Variants in ITPR2 observed in about 807,000 individuals in gnomAD.
ITPR2 encodes inositol 1,4,5-trisphosphate receptor type 2.
In ITPR2, 207 loss-of-function variants were observed where a neutral mutation model predicts 317.1. That is an observed-to-expected ratio of 0.65 (90% CI 0.58 to 0.73). The LOEUF (loss-of-function observed/expected upper bound fraction) is 0.73. ITPR2 is among the 30% of genes least tolerant of loss of function. The pLI is 0.00. For synonymous variants in ITPR2, 1,156 were observed against 1,149.1 expected, an observed-to-expected ratio of 1.01 and a Z score of -0.12; for missense variants, 2,613 against 3,284.0, an observed-to-expected ratio of 0.80 and a Z score of 4.99.
chr12:26,788,142 G>A (rs977199006), intron 2 of ITPR2, among the ~76,000 whole-genome samples: 20 of 151,918 alleles, frequency 1.3e-4, no homozygotes, highest in African/African-American at 4.6e-4. Flanking sequence ...GACTGGTCTC[G>A]AACTCCCGAC....
At chr12:26,650,956 G>A (rs562475075) in intron 21 of ITPR2, among the ~76,000 whole-genome samples, 3 of 152,258 alleles carry the variant, frequency 2.0e-5, no homozygotes, top group Admixed American at 2.0e-4. Context: ...CATTAAAGAT[G>A]CAATAATAGT....
intron 43 of ITPR2, 84 bp downstream of exon 43, chr12:26,481,047 A>G: frequency 1.4e-6 from 1 of 728,074 alleles, no homozygotes. Flanking sequence ...TGAAAACATG[A>G]TAATATGCTT....
At chr12:26,757,153 TGGGCAAGCAACAGCCCAC>T (rs1427860215) in intron 2 of ITPR2, among the ~76,000 whole-genome samples, 1 of 151,892 alleles carries the variant, frequency 6.6e-6, no homozygotes, top group African/African-American at 2.4e-5. Flanking sequence ...ACCATAAAAA[TGGGCAAGCAACAGCCCAC>T]AGGGCTGCTC....
chr12:26,763,239 T>C (rs1397108082), intron 2 of ITPR2, among the ~76,000 whole-genome samples: 1 of 151,844 alleles, frequency 6.6e-6, no homozygotes, highest in African/African-American at 2.4e-5. Flanking sequence ...ACCATAAATA[T>C]ATACATTTTT....
chr12:26,772,491 C>CATGTATTAT (rs3064583), intron 2 of ITPR2, among the ~76,000 whole-genome samples: 59 of 100,444 alleles, frequency 5.9e-4, no homozygotes, highest in African/African-American at 1.4e-3. Context: ...ATATATAATA[C>CATGTATTAT]ATATAATACA....
chr12:26,718,417 G>A (rs1475377793), intron 5 of ITPR2, among the ~76,000 whole-genome samples: 1 of 151,586 alleles, frequency 6.6e-6, no homozygotes, highest in Admixed American at 6.6e-5. Context: ...ACCTACATTC[G>A]CTGCTCTAAG....
chr12:26,679,569 T>C (rs545773671), intron 13 of ITPR2, among the ~76,000 whole-genome samples: 2 of 152,326 alleles, frequency 1.3e-5, no homozygotes, highest in South Asian at 4.1e-4. Context: ...CATTTCTTTA[T>C]GGTTCTTCTA....
chr12:26,398,144 C>T (rs569468558), intron 54 of ITPR2, among the ~76,000 whole-genome samples: 57 of 150,924 alleles, frequency 3.8e-4, no homozygotes, highest in Non-Finnish European at 6.6e-4. Flanking sequence ...AGAGAAGGGC[C>T]GGGTGCGGTG....
chr12:26,337,443 T>G lies in ITPR2; in HGVS notation c.*1954A>C, dbSNP rs191494166. ...ATAAAACTCTGCCTGATTAAAATAT[T>G]TTAAAGTGTACTTTTTACCTGATAC... On this transcript the variant is annotated 3_prime_UTR_variant, in exon 57 of 57. Coordinates refer to ENST00000381340, the MANE Select transcript of ITPR2 (RefSeq NM_002223.4). 2 of 152,342 alleles carry G rather than the reference T, an allele frequency of 1.3e-5. No individual in the cohort carries two copies. The highest frequency in any genetic ancestry group is 3.9e-4 in the East Asian group (2 of 5,192). 9.4% of individuals were successfully genotyped at this position (152,342 alleles called of 1,614,324 possible).
At chr12:26,520,079 G>A (rs141195907) in intron 37 of ITPR2, among the ~76,000 whole-genome samples, 2 of 152,104 alleles carry the variant, frequency 1.3e-5, no homozygotes, top group Non-Finnish European at 2.9e-5. Context: ...TTACATTTTG[G>A]TACTATGCAG....
chr12:26,804,785 G>C (rs556753186), intron 1 of ITPR2, among the ~76,000 whole-genome samples: 65 of 151,758 alleles, frequency 4.3e-4, no homozygotes, highest in Non-Finnish European at 8.2e-4. Flanking sequence ...ACCCAGGCTG[G>C]AATGCAGTGC....
At chr12:26,511,414 A>C (rs1008505106) in intron 37 of ITPR2, among the ~76,000 whole-genome samples, 1 of 152,240 alleles carries the variant, frequency 6.6e-6, no homozygotes, top group Non-Finnish European at 1.5e-5. Flanking sequence ...ACAGAAATTA[A>C]TTAATCCCTG....
chr12:26,431,916 G>C (rs1019399180), intron 48 of ITPR2, among the ~76,000 whole-genome samples: 2 of 152,158 alleles, frequency 1.3e-5, no homozygotes, highest in Non-Finnish European at 2.9e-5. Context: ...GTTGGAAGGT[G>C]GCATATTTTA....
chr12:26,435,743 A>T (rs1298082506), intron 48 of ITPR2, among the ~76,000 whole-genome samples: 1 of 152,192 alleles, frequency 6.6e-6, no homozygotes, highest in African/African-American at 2.4e-5. Flanking sequence ...TCAGATGATA[A>T]ACATTTAATT....
intron 2 of ITPR2, among the ~76,000 whole-genome samples, chr12:26,784,102 C>T (rs1240746004): frequency 6.6e-6 from 1 of 151,748 alleles, no homozygotes; most frequent in Non-Finnish European, 1.5e-5. Flanking sequence ...TAGTAATGTA[C>T]AAATGGTAAA....
intron 37 of ITPR2, 183 bp from the exon 38 acceptor site, chr12:26,495,443 T>C (rs1942910805): frequency 1.9e-6 from 1 of 528,422 alleles, no homozygotes; most frequent in East Asian, 3.2e-5. Context: ...ATAATCATTT[T>C]GCTTCTCATA....
chr12:26,679,824 G>A lies in ITPR2; in HGVS notation c.1409+2050C>T, dbSNP rs1227873153. Among the ~76,000 whole-genome samples the A allele has an allele frequency of 2.6e-5, 4 of 151,602 alleles. No homozygotes were observed. In the South Asian group the frequency reaches 6.2e-4, roughly 24 times the overall value. ...CGGGATCAACCTCCTCCTCCATGTC[G>A]CTTCAAGTCCAAATGTTCAGGCTAT... On this transcript the variant is annotated intron_variant, in intron 13 of 56. Transcript: ENST00000381340.
At chr12:26,792,978 T>C (rs1230770515) in intron 1 of ITPR2, among the ~76,000 whole-genome samples, 1 of 152,206 alleles carries the variant, frequency 6.6e-6, no homozygotes, top group Admixed American at 6.5e-5. Context: ...AGAGGACTAT[T>C]ACCTCCTTCT....
intron 9 of ITPR2, 125 bp from the exon 10 acceptor site, chr12:26,695,775 G>T: frequency 3.1e-6 from 2 of 650,182 alleles, no homozygotes; most frequent in South Asian, 2.0e-5. Flanking sequence ...TGCTAAGAAA[G>T]AAACTATTAG....
Sources: gnomAD v4.1 joint callset for allele counts (sites outside exome capture counted in the v4.1 genomes callset) on GRCh38, gnomAD v4.1.1 for gene constraint, MANE v1.5 for transcripts, NCBI Gene and HGNC (gene_info 2026-07-23, HGNC 2026-07-21) for gene names.